Variants in ATOH8 observed in about 807,000 individuals in gnomAD.
The protein encoded by ATOH8 is transcription factor ATOH8.
In ATOH8, 9 loss-of-function variants were observed where a neutral mutation model predicts 21.2. The ratio of observed to expected loss-of-function variants is 0.42; its 90% CI spans 0.26 to 0.74. ATOH8 has a LOEUF of 0.74. Among genes scored for constraint, ATOH8 ranks in the 30% least tolerant of loss-of-function variants. The pLI, the probability that ATOH8 is intolerant of heterozygous loss-of-function variation, is 0.24. For missense variants in ATOH8, 524 were observed against 470.9 expected, an observed-to-expected ratio of 1.11 and a Z score of -1.04; for synonymous variants, 253 against 224.0, an observed-to-expected ratio of 1.13 and a Z score of -1.16.
At chr2:85,774,347 G>A in intron 2 of ATOH8, 1 of 985,572 alleles carries the variant, frequency 1.0e-6, no homozygotes, top group Non-Finnish European at 1.2e-6. Flanking sequence ...ACCTGGCACA[G>A]TGCGAGGCCT....
chr2:85,761,472 TG>T (rs1208926620), intron 1 of ATOH8, among the ~76,000 whole-genome samples: 1 of 152,140 alleles, frequency 6.6e-6, no homozygotes, highest in African/African-American at 2.4e-5. Flanking sequence ...GAACCTGGCA[TG>T]GGGGCCTCTA....
chr2:85,790,455 C>T lies in ATOH8; in HGVS notation c.*3565C>T, dbSNP rs1414924172. Among the ~76,000 whole-genome samples, 1 of 152,236 alleles carries T rather than the reference C, an allele frequency of 6.6e-6. No individual in the cohort carries two copies. The highest frequency in any genetic ancestry group is 2.4e-5 in the African/African-American group (1 of 41,470). On this transcript the variant is annotated 3_prime_UTR_variant, in exon 3 of 3. Coordinates refer to ENST00000306279, the MANE Select transcript of ATOH8 (RefSeq NM_032827.7). ...GACTGCCCACAGACTGTGCTGCTTC[C>T]TGGGTCTGGCCTGAGACTATCCCAG...
chr2:85,784,070 C>T (rs1024800460), intron 2 of ATOH8, among the ~76,000 whole-genome samples: 2 of 152,136 alleles, frequency 1.3e-5, no homozygotes, highest in African/African-American at 2.4e-5. Flanking sequence ...TATTAGCAGG[C>T]GTCTAGAGGG....
chr2:85,775,337 A>G (rs1055192135), intron 2 of ATOH8: 1 of 973,580 alleles, frequency 1.0e-6, no homozygotes, highest in African/African-American at 1.8e-5. Context: ...GCTGATGGCA[A>G]GGGACATTCC....
rs541634572 is a variant in ATOH8 at position 85,764,059 on chromosome 2, C to G, written c.837C>G (p.Ile279Met). Residue 279 changes from isoleucine (I) to methionine (M), a missense_variant, in exon 2 of 3, where the codon ATC becomes ATG. Transcript: ENST00000306279. ...TCCTGAGGATCGCCTGTAACTACAT[C>G]CTGTCCCTGGCGCGGCTGGCTGACC... Reference protein sequence around the residue: ...LAILRIACNYILSLARLADLD... With the variant: ...LAILRIACNYMLSLARLADLD... 6.2e-7 allele frequency: 1 copy of G among 1,614,224 alleles called. No individual in the cohort carries two copies. Among genetic ancestry groups the G allele is most frequent in the Admixed American group, 1.7e-5 (1 of 60,028 alleles).
At position 85,787,686 on chromosome 2, in the gene ATOH8, C is replaced by T. The variant is rs1680658713; in HGVS notation, c.*796C>T. On this transcript the variant is annotated 3_prime_UTR_variant, in exon 3 of 3. Transcript: ENST00000306279. ...ACCTATGGGTCTTTGCTTCCCCAGC[C>T]AGCCTCTCCTCACTGTGACCCACCC... The T allele has an allele frequency of 6.5e-6, 1 of 152,936 alleles. No individual in the cohort carries two copies. Among genetic ancestry groups the T allele is most frequent in the Non-Finnish European group, 1.5e-5 (1 of 68,256 alleles). 9.5% of individuals were successfully genotyped at this position (152,936 alleles called of 1,614,324 possible).
intron 1 of ATOH8, among the ~76,000 whole-genome samples, chr2:85,759,587 G>A (rs1034737941): frequency 6.6e-6 from 1 of 152,120 alleles, no homozygotes; most frequent in African/African-American, 2.4e-5. Context: ...CAGCCTGGTG[G>A]CAGTGCAGGA....
rs1439921134 is a variant in ATOH8, at chr2:85,754,396, G to C, written c.207G>C (p.Pro69=). 4.4e-6 allele frequency: 7 copies of C among 1,581,074 alleles called. No individual in the cohort carries two copies. Among genetic ancestry groups the C allele is most frequent in the African/African-American group, 1.4e-5 (1 of 71,160 alleles). ...GGGACAGGACCCATCGGCTGCAGCCGGTCCCGGTACCGGTGCCGGTGCCAG... is the reference window on the plus strand; with the variant it reads ...GGGACAGGACCCATCGGCTGCAGCCCGTCCCGGTACCGGTGCCGGTGCCAG... ...GLRDRTHRLQ[P]VPVPVPVPVP... The change falls in exon 1 of 3, where the codon CCG becomes CCC. Residue 69 remains proline (P), a synonymous_variant. Coordinates refer to ENST00000306279, the MANE Select transcript of ATOH8 (RefSeq NM_032827.7).
In ATOH8 at chr2:85,754,351, C is replaced by A; in HGVS notation, c.162C>A (p.Ala54=). Residue 54 remains alanine, a synonymous_variant, in exon 1 of 3, where the codon GCC becomes GCA. Transcript: ENST00000306279. The part of the protein sequence containing the change: ...RLDLEAPEPR[A]VATNGLRDRT... ...ACTTGGAAGCGCCCGAGCCCCGCGCCGTAGCCACCAACGGGCTGCGGGACA... is the reference window on the plus strand; with the variant it reads ...ACTTGGAAGCGCCCGAGCCCCGCGCAGTAGCCACCAACGGGCTGCGGGACA... 1 of 1,607,080 alleles carries A rather than the reference C, an allele frequency of 6.2e-7. No individual in the cohort carries two copies.
Position 85,754,972 on chromosome 2 carries a change from C to T in ATOH8, c.768+15C>T. On this transcript the variant is annotated intron_variant, in intron 1 of 2. Transcript: ENST00000306279. The stretch of plus-strand genomic sequence containing the variant: ...TCAGGAAGCAGGTACCCGCTCGCCG[C>T]CGCACGCCCTCACTGCGCCGGGGGA... 6.3e-7 allele frequency: 1 copy of T among 1,578,120 alleles called. No individual in the cohort carries two copies. Among genetic ancestry groups the T allele is most frequent in the African/African-American group, 1.4e-5 (1 of 73,914 alleles).
At position 85,754,509 on chromosome 2, in the gene ATOH8, C is replaced by T. The variant is rs556162635; in HGVS notation, c.320C>T (p.Ala107Val). 2.5e-5 allele frequency: 35 copies of T among 1,428,416 alleles called. No homozygotes were observed. The East Asian group carries it at 9.3e-4, about 38-fold the overall frequency. The allele number at this position is 1,428,416 out of a possible 1,614,324, so 88.5% of individuals were successfully genotyped here. A position where few individuals can be genotyped will look rare whatever the true frequency, so the allele number is the denominator to read the frequency against. Reference sequence around the variant, plus strand: ...TCTCGGGCGCCCGAGGTCTCCGACGCGCGGAAACGCTGCTTCGCCCTAGGC... The same window carrying T: ...TCTCGGGCGCCCGAGGTCTCCGACGTGCGGAAACGCTGCTTCGCCCTAGGC... ...GGSRAPEVSDARKRCFALGAV... is the reference protein window; with the variant it reads ...GGSRAPEVSDVRKRCFALGAV... The change falls in exon 1 of 3, where the codon GCG becomes GTG. Residue 107 changes from alanine (A) to valine (V), a missense_variant. Ala to Val is a moderately conservative substitution (Grantham distance 64). Transcript: ENST00000306279.
At chr2:85,765,638 G>C (rs577245658) in intron 2 of ATOH8, among the ~76,000 whole-genome samples, 1 of 152,186 alleles carries the variant, frequency 6.6e-6, no homozygotes. Context: ...CAGGCGGTCC[G>C]GAGGTGTAGA....
rs1680684257 is a variant in ATOH8 at position 85,788,579 on chromosome 2, G to C, written c.*1689G>C. Among the ~76,000 whole-genome samples, 1 of 152,176 alleles carries C rather than the reference G, an allele frequency of 6.6e-6. No homozygotes were observed. The highest frequency in any genetic ancestry group is 2.1e-4 in the South Asian group (1 of 4,836). On this transcript the variant is annotated 3_prime_UTR_variant, in exon 3 of 3. Transcript: ENST00000306279. ...GGGACAATAAAGGCCCATTGGGACT[G>C]GGGGAAGGGGTGATAAGATAAAAAA...
chr2:85,781,616 C>A (rs907014750), intron 2 of ATOH8, among the ~76,000 whole-genome samples: 2 of 150,218 alleles, frequency 1.3e-5, no homozygotes, highest in African/African-American at 4.9e-5. Context: ...TGGCTCACAT[C>A]TGTAATCCTA....
At chr2:85,767,580 T>TCC (rs1680052547) in intron 2 of ATOH8, among the ~76,000 whole-genome samples, 1,042 of 79,146 alleles carry the variant, frequency 0.013, 21 homozygotes, top group Middle Eastern at 0.021. Flanking sequence ...CCCTCCCCTC[T>TCC]CCTTCCCTTC....
intron 2 of ATOH8, among the ~76,000 whole-genome samples, chr2:85,771,110 A>G (rs947042187): frequency 1.3e-5 from 2 of 152,146 alleles, no homozygotes; most frequent in African/African-American, 4.8e-5. Context: ...CTAACCCCAG[A>G]GAACGCTGTG....
rs749813126 is a variant in ATOH8, at chr2:85,772,604, A to G, written c.960+8422A>G. ...GCTCTCCCCTGGCCATCTGTTCCCA[A>G]AAAACCCTTTCAGAGCCTCATCATC... On this transcript the variant is annotated intron_variant, in intron 2 of 2. Transcript: ENST00000306279. 7.6e-5 allele frequency: 32 copies of G among 423,438 alleles called. 2 individuals carry two copies. The highest frequency in any genetic ancestry group is 4.8e-4 in the South Asian group (28 of 58,824). The allele number at this position is 423,438 out of a possible 1,614,324, so 26.2% of individuals were successfully genotyped here.
At position 85,754,214 on chromosome 2, in the gene ATOH8, G is replaced by A. The variant is rs1679593361; in HGVS notation, c.25G>A (p.Asp9Asn). 1.3e-6 allele frequency: 2 copies of A among 1,599,604 alleles called. No individual in the cohort carries two copies. The highest frequency in any genetic ancestry group is 1.4e-5 in the African/African-American group (1 of 72,382). MKHIPVLEDGPWKTVCVKE... is the reference protein window; with the variant it reads MKHIPVLENGPWKTVCVKE... ...CATGAAGCACATCCCGGTCCTCGAG[G>A]ACGGGCCGTGGAAGACCGTGTGCGT... is the stretch of plus-strand genomic sequence containing the variant. Residue 9 changes from aspartate to asparagine, a missense_variant, in exon 1 of 3, where the codon GAC becomes AAC. Coordinates refer to ENST00000306279, the MANE Select transcript of ATOH8 (RefSeq NM_032827.7).
chr2:85,762,798 G>A (rs1558609661), intron 1 of ATOH8, among the ~76,000 whole-genome samples: 1 of 152,086 alleles, frequency 6.6e-6, no homozygotes. Flanking sequence ...TGTTGTGGGG[G>A]CACTGTAGGA....
Sources: allele counts gnomAD v4.1 joint callset (sites outside exome capture counted in the v4.1 genomes callset), GRCh38; gene constraint gnomAD v4.1.1; transcripts MANE v1.5; gene names NCBI Gene and HGNC (gene_info 2026-07-23, HGNC 2026-07-21).